The following MACROD1 variants were observed in gnomAD, a reference collection of about 807,000 sequenced individuals.
MACROD1 encodes mono-ADP ribosylhydrolase 1, also known as ADP-ribose glycohydrolase MACROD1.
In MACROD1, 31 loss-of-function variants were observed where a neutral mutation model predicts 41.4. That is an observed-to-expected ratio of 0.75 (90% CI 0.56 to 1.01). MACROD1 has a LOEUF of 1.01. MACROD1 is among the 50% of genes least tolerant of loss of function. The pLI is 0.00. For missense variants in MACROD1, 473 were observed against 460.0 expected (o/e 1.03, Z -0.26); for synonymous variants, 252 against 203.4 (o/e 1.24, Z -2.03).
Position 64,005,604 on chromosome 11 carries a change from G to C in MACROD1, c.548-5261C>G, listed in dbSNP as rs750809106. 3.0e-4 allele frequency among the ~76,000 whole-genome samples: 46 copies of C among 152,242 alleles called. 1 individual carries two copies. The highest frequency in any genetic ancestry group is 1.3e-4 in the Non-Finnish European group (9 of 68,042). ...CGTCTGGCCCTGCCTCTCAGGTGCCGAGTCTCATACCTCTCTGGCTCAACC... is the reference window on the plus strand; with the variant it reads ...CGTCTGGCCCTGCCTCTCAGGTGCCCAGTCTCATACCTCTCTGGCTCAACC... On this transcript the variant is annotated intron_variant, in intron 4 of 10. Transcript: ENST00000255681.
At position 64,072,196 on chromosome 11, in the gene MACROD1, G is replaced by A. The variant is rs112979786; in HGVS notation, c.518-56915C>T. Among the ~76,000 whole-genome samples the A allele has an allele frequency of 6.0e-3, 917 of 152,230 alleles. 8 individuals carry two copies. Among genetic ancestry groups the A allele is most frequent in the African/African-American group, 0.021 (864 of 41,520 alleles). On this transcript the variant is annotated intron_variant, in intron 3 of 10. Transcript: ENST00000255681. ...GGGGGACTTGGGGGTCGGGAGCAGG[G>A]TCTGCTTCATCCTCAGCTGCTGTGG... is the stretch of plus-strand genomic sequence containing the variant.
rs1230365019 is a variant in MACROD1, at chr11:64,021,940, G to T, written c.518-6659C>A. Among the ~76,000 whole-genome samples the T allele has an allele frequency of 2.6e-4, 17 of 65,550 alleles. 1 individual carries two copies. The highest frequency in any genetic ancestry group is 5.7e-4 in the Admixed American group (4 of 7,070). The allele number at this position is 65,550 out of a possible 152,430, so 43.0% of individuals were successfully genotyped here. A position where few individuals can be genotyped will look rare whatever the true frequency, so the allele number is the denominator to read the frequency against. On this transcript the variant is annotated intron_variant, in intron 3 of 10. Transcript: ENST00000255681. ...AAGGGAGTGGCAGGGGGCCGGGGGG[G>T]GGGGGGGGGGGTGTGAGGTGGCGGC...
intron 3 of MACROD1, chr11:64,118,546 T>C (rs868702912): frequency 1.4e-4 from 59 of 435,546 alleles, no homozygotes; most frequent in African/African-American, 9.2e-4. Context: ...GTTATGCCAG[T>C]TGGGGAGGGA....
At position 64,015,286 on chromosome 11, in the gene MACROD1, AAG is replaced by A. The variant is rs751419911; in HGVS notation, c.518-7_518-6del. On this transcript the variant is annotated splice_polypyrimidine_tract_variant and splice_region_variant and intron_variant, in intron 3 of 10. Transcript: ENST00000255681. ...CTCCGAGCAGGGAGCTGTTGGCTGC[AAG>A]AGAGAGAGACAAAGGCAGATCAGTG... The A allele has an allele frequency of 7.5e-6, 12 of 1,605,760 alleles. No homozygotes were observed. Among genetic ancestry groups the A allele is most frequent in the East Asian group, 2.3e-5 (1 of 44,256 alleles).
intron 3 of MACROD1, among the ~76,000 whole-genome samples, chr11:64,042,167 C>T (rs1013579814): frequency 4.6e-5 from 7 of 152,178 alleles, no homozygotes; most frequent in Admixed American, 4.6e-4. Context: ...GGCACACATG[C>T]ACCTTCATGC....
At chr11:64,094,134 T>A (rs1279495753) in intron 3 of MACROD1, among the ~76,000 whole-genome samples, 1 of 152,036 alleles carries the variant, frequency 6.6e-6, no homozygotes, top group Non-Finnish European at 1.5e-5. Context: ...CCGACTCTAT[T>A]AAAAATACAA....
chr11:64,075,921 G>A lies in MACROD1; in HGVS notation c.518-60640C>T, dbSNP rs137993139. ...ACTCCTGACCTCAAGTGATCCACCC[G>A]CCTCGGCTTCCCAAAGTGTTGGGAT... On this transcript the variant is annotated intron_variant, in intron 3 of 10. Coordinates refer to ENST00000255681, the MANE Select transcript of MACROD1 (RefSeq NM_014067.4). 2.8e-3 allele frequency among the ~76,000 whole-genome samples: 421 copies of A among 152,286 alleles called. 3 individuals carry two copies. The highest frequency in any genetic ancestry group is 9.7e-3 in the African/African-American group (403 of 41,564).
At chr11:64,088,086 C>T (rs757865746) in intron 3 of MACROD1, among the ~76,000 whole-genome samples, 1 of 152,196 alleles carries the variant, frequency 6.6e-6, no homozygotes, top group Admixed American at 6.5e-5. Context: ...CCCATAGGCA[C>T]TTGGCCCCTC....
chr11:64,062,239 T>C (rs1405422298), intron 3 of MACROD1, among the ~76,000 whole-genome samples: 1 of 152,132 alleles, frequency 6.6e-6, no homozygotes, highest in Non-Finnish European at 1.5e-5. Flanking sequence ...CTTGGAGTAC[T>C]CCCTGTGCCT....
chr11:64,150,202 C>T lies in MACROD1; in HGVS notation c.517+1037G>A, dbSNP rs142439069. Among the ~76,000 whole-genome samples the T allele has an allele frequency of 2.0e-4, 31 of 152,326 alleles. 1 individual carries two copies. In the East Asian group the frequency reaches 5.8e-3, roughly 28 times the overall value. On this transcript the variant is annotated intron_variant, in intron 3 of 10. Coordinates refer to ENST00000255681, the MANE Select transcript of MACROD1 (RefSeq NM_014067.4). ...GGGCGGCCGAGTGAACTCCCCTCTC[C>T]GGATCCTAGAGCCTGTCACTCACAG... is the stretch of plus-strand genomic sequence containing the variant.
chr11:64,040,856 C>A (rs971451581), intron 3 of MACROD1, among the ~76,000 whole-genome samples: 38 of 152,186 alleles, frequency 2.5e-4, no homozygotes, highest in Admixed American at 4.6e-4. Flanking sequence ...CAGCTAGCCA[C>A]TAGGGGACAC....
intron 3 of MACROD1, among the ~76,000 whole-genome samples, chr11:64,057,180 G>A (rs762024822): frequency 3.3e-5 from 5 of 152,216 alleles, no homozygotes; most frequent in Non-Finnish European, 5.9e-5. Context: ...AGCCAGCCCC[G>A]TGTTTATAAG....
intron 3 of MACROD1, among the ~76,000 whole-genome samples, chr11:64,140,616 G>T (rs1356074789): frequency 2.0e-5 from 3 of 152,234 alleles, no homozygotes; most frequent in African/African-American, 7.2e-5. Flanking sequence ...ACTAGAGCTG[G>T]CATCTCCTGG....
intron 3 of MACROD1, among the ~76,000 whole-genome samples, chr11:64,121,035 G>T (rs1033358659): frequency 6.6e-6 from 1 of 152,298 alleles, no homozygotes; most frequent in East Asian, 1.9e-4. Context: ...CCCGGACCGT[G>T]AGAGCTGCCT....
At chr11:64,132,843 G>A (rs58622549) in intron 3 of MACROD1, among the ~76,000 whole-genome samples, 32 of 152,346 alleles carry the variant, frequency 2.1e-4, no homozygotes, top group African/African-American at 7.5e-4. Flanking sequence ...TCATCCTCAC[G>A]GCAGGGAGGT....
At chr11:64,092,006 T>G (rs1944499449) in intron 3 of MACROD1, among the ~76,000 whole-genome samples, 1 of 152,174 alleles carries the variant, frequency 6.6e-6, no homozygotes, top group African/African-American at 2.4e-5. Context: ...CTGCCGGCCC[T>G]CTATCCCCAC....
At chr11:64,111,172 G>T (rs72918475) in intron 3 of MACROD1, among the ~76,000 whole-genome samples, 25 of 152,328 alleles carry the variant, frequency 1.6e-4, no homozygotes, top group Non-Finnish European at 3.5e-4. Context: ...GTCCATACCA[G>T]GGAATGCGGT....
chr11:64,011,739 G>A (rs1310284745), intron 4 of MACROD1, among the ~76,000 whole-genome samples: 1 of 151,984 alleles, frequency 6.6e-6, no homozygotes, highest in Non-Finnish European at 1.5e-5. Context: ...GTGCGTGTTC[G>A]AACAATGGGT....
Position 64,010,312 on chromosome 11 carries a change from G to A in MACROD1, c.547+4940C>T, listed in dbSNP as rs1419996632. ...ATGTTGGGGTGTTGGAGTGTTGGCT[G>A]GTATGTTGTTTGGGGTGTTGGTTGG... On this transcript the variant is annotated intron_variant, in intron 4 of 10. Coordinates refer to ENST00000255681, the MANE Select transcript of MACROD1 (RefSeq NM_014067.4). Among the ~76,000 whole-genome samples, 4 of 148,088 alleles carry A rather than the reference G, an allele frequency of 2.7e-5. No homozygotes were observed. In the South Asian group the frequency reaches 8.7e-4, roughly 32 times the overall value.
Sources: allele counts gnomAD v4.1 joint callset (sites outside exome capture counted in the v4.1 genomes callset), GRCh38; gene constraint gnomAD v4.1.1; transcripts MANE v1.5; gene names NCBI Gene and HGNC (gene_info 2026-07-23, HGNC 2026-07-21).